The following GRID2 variants were observed in gnomAD, a reference collection of about 807,000 sequenced individuals.
GRID2 encodes glutamate receptor ionotropic, delta-2.
A neutral mutation model predicts 114.8 loss-of-function variants in GRID2; 33 were observed. That is an observed-to-expected ratio of 0.29 (90% CI 0.22 to 0.38). The LOEUF (loss-of-function observed/expected upper bound fraction) is 0.38. GRID2 is among the 10% of genes least tolerant of loss of function. GRID2 has a pLI of 1.00. For missense variants in GRID2, 1,184 were observed against 1,257.7 expected (o/e 0.94, Z 0.89); for synonymous variants, 505 against 449.9 (o/e 1.12, Z -1.55).
chr4:93,105,715 T>C (rs1011521644), intron 3 of GRID2, among the ~76,000 whole-genome samples: 7 of 152,178 alleles, frequency 4.6e-5, no homozygotes, highest in Non-Finnish European at 8.8e-5. Context: ...CAGCAGTCTT[T>C]CATCTCTCTG....
At chr4:92,866,338 AC>A (rs1267171515) in intron 2 of GRID2, among the ~76,000 whole-genome samples, 1 of 151,974 alleles carries the variant, frequency 6.6e-6, no homozygotes, top group Admixed American at 6.6e-5. Context: ...AAGCTTCCAT[AC>A]TGCTTTTGGT....
chr4:93,311,911 T>C (rs1307156906), intron 8 of GRID2, among the ~76,000 whole-genome samples: 1 of 152,030 alleles, frequency 6.6e-6, no homozygotes, highest in African/African-American at 2.4e-5. Context: ...TGAAAAGTAG[T>C]GAATGGATAA....
intron 4 of GRID2, among the ~76,000 whole-genome samples, chr4:93,171,236 T>G (rs938460437): frequency 6.6e-6 from 1 of 152,150 alleles, no homozygotes; most frequent in African/African-American, 2.4e-5. Context: ...AATACAGACT[T>G]TTTGCTTTTT....
downstream of GRID2, among the ~76,000 whole-genome samples, chr4:93,778,019 T>C (rs985566850): frequency 2.0e-5 from 3 of 152,124 alleles, no homozygotes; most frequent in Admixed American, 2.0e-4. Context: ...TTCCTGAATT[T>C]GAAAAATAAA....
chr4:93,325,703 A>G (rs1381022948), intron 8 of GRID2, among the ~76,000 whole-genome samples: 1 of 131,156 alleles, frequency 7.6e-6, no homozygotes, highest in Admixed American at 7.9e-5. Flanking sequence ...CAATTTCCTC[A>G]TTTTTCTTCT....
At chr4:93,269,938 G>A (rs909513867) in intron 8 of GRID2, among the ~76,000 whole-genome samples, 1 of 151,940 alleles carries the variant, frequency 6.6e-6, no homozygotes, top group Non-Finnish European at 1.5e-5. Context: ...TAATCCTTTA[G>A]GAATAACTTT....
chr4:93,072,091 C>A (rs1003519968), intron 2 of GRID2, among the ~76,000 whole-genome samples: 7 of 152,080 alleles, frequency 4.6e-5, no homozygotes, highest in Non-Finnish European at 1.0e-4. Flanking sequence ...TAGGAATAAT[C>A]AAGGAGCAAA....
intron 8 of GRID2, among the ~76,000 whole-genome samples, chr4:93,379,033 GT>G (rs1260996312): frequency 2.4e-4 from 36 of 152,000 alleles, no homozygotes; most frequent in Non-Finnish European, 4.7e-4. Flanking sequence ...AGTGATACCT[GT>G]TTTTTTATTC....
intron 2 of GRID2, among the ~76,000 whole-genome samples, chr4:92,600,042 G>GTATATATA (rs1264402444): frequency 8.1e-4 from 57 of 70,326 alleles, no homozygotes; most frequent in African/African-American, 2.5e-3. Context: ...GTGTGTGTGT[G>GTATATATA]TGTATATATA....
At chr4:93,755,519 C>T (rs1732669282) in intron 14 of GRID2, among the ~76,000 whole-genome samples, 1 of 152,152 alleles carries the variant, frequency 6.6e-6, no homozygotes, top group Admixed American at 6.5e-5. Context: ...TTCTAGCTTA[C>T]TAATCAGATT....
At chr4:92,700,571 T>G (rs879715436) in intron 2 of GRID2, among the ~76,000 whole-genome samples, 2 of 152,222 alleles carry the variant, frequency 1.3e-5, no homozygotes, top group Admixed American at 6.5e-5. Context: ...TTCATTAATT[T>G]ACTCAAAATG....
At chr4:92,815,914 C>CAAAAAAAAAAAAAAAAAAA (rs5860292) in intron 2 of GRID2, among the ~76,000 whole-genome samples, 5 of 46,866 alleles carry the variant, frequency 1.1e-4, no homozygotes, top group Non-Finnish European at 1.8e-4. Flanking sequence ...GACCCTGTCT[C>CAAAAAAAAAAAAAAAAAAA]AAAAAAAAAA....
intron 2 of GRID2, among the ~76,000 whole-genome samples, chr4:92,951,096 T>G (rs1751999115): frequency 6.6e-6 from 1 of 152,122 alleles, no homozygotes; most frequent in Non-Finnish European, 1.5e-5. Context: ...AATTAAGGAC[T>G]AGAACCACAC....
intron 1 of GRID2, among the ~76,000 whole-genome samples, chr4:92,501,833 T>C (rs1402587472): frequency 6.6e-6 from 1 of 152,198 alleles, no homozygotes; most frequent in Non-Finnish European, 1.5e-5. Context: ...AATGATTGTT[T>C]ACATATATTT....
chr4:92,435,713 G>T (rs1251080241), intron 1 of GRID2, among the ~76,000 whole-genome samples: 1 of 152,186 alleles, frequency 6.6e-6, no homozygotes, highest in South Asian at 2.1e-4. Flanking sequence ...GAGTACTAGG[G>T]TCCATGGATG....
At chr4:93,725,536 C>G (rs1350777207) in intron 14 of GRID2, among the ~76,000 whole-genome samples, 1 of 151,774 alleles carries the variant, frequency 6.6e-6, no homozygotes, top group African/African-American at 2.4e-5. Flanking sequence ...ATTTCTAGTT[C>G]TAGATCCCTG....
chr4:93,803,559 T>TAAAAATACAAA (rs1734975562), intron 1 of GRID2, among the ~76,000 whole-genome samples: 1 of 151,846 alleles, frequency 6.6e-6, no homozygotes, highest in African/African-American at 2.4e-5. Flanking sequence ...GTGTCTCTAC[T>TAAAAATACAAA]AAAAATACAA....
intron 13 of GRID2, among the ~76,000 whole-genome samples, chr4:93,581,990 A>G (rs879636228): frequency 3.9e-5 from 6 of 152,186 alleles, no homozygotes; most frequent in Non-Finnish European, 8.8e-5. Flanking sequence ...AAGTCTCTGC[A>G]TATTTTGTGC....
At chr4:92,830,705 GTTTTATT>G (rs1180671160) in intron 2 of GRID2, among the ~76,000 whole-genome samples, 1 of 152,128 alleles carries the variant, frequency 6.6e-6, no homozygotes, top group African/African-American at 2.4e-5. Context: ...ATTCTTCATA[GTTTTATT>G]TTTTAAGTTG....
Sources: allele counts gnomAD v4.1 joint callset (sites outside exome capture counted in the v4.1 genomes callset), GRCh38; gene constraint gnomAD v4.1.1; transcripts MANE v1.5; gene names NCBI Gene and HGNC (gene_info 2026-07-23, HGNC 2026-07-21).